FCRL1: variants seen among roughly 807,000 people sequenced by gnomAD.
FCRL1 encodes the protein Fc receptor-like protein 1.
Under a neutral mutation model 49.2 loss-of-function variants are expected in FCRL1, and 34 were observed. The observed-to-expected ratio is 0.69, with a 90% CI of 0.53 to 0.92. The LOEUF (loss-of-function observed/expected upper bound fraction) is 0.92. Among genes scored for constraint, FCRL1 ranks in the 40% least tolerant of loss-of-function variants. The pLI, the probability that FCRL1 is intolerant of heterozygous loss-of-function variation, is 0.00. For synonymous variants in FCRL1, 218 were observed against 201.6 expected (o/e 1.08, Z -0.69); for missense variants, 524 against 524.1 (o/e 1.00, Z 0.00).
At chr1:157,801,733 A>T in intron 5 of FCRL1, 156 bp from the exon 6 acceptor site, 1 of 855,462 alleles carries the variant, frequency 1.2e-6, no homozygotes, top group Non-Finnish European at 1.8e-6. Flanking sequence ...TTATGACAAG[A>T]GAAGAGCTGC....
intron 1 of FCRL1, among the ~76,000 whole-genome samples, chr1:157,819,297 T>A (rs61154240): frequency 6.6e-6 from 1 of 150,954 alleles, no homozygotes; most frequent in Non-Finnish European, 1.5e-5. Flanking sequence ...GTTGTGCATT[T>A]AAAAAAAAAT....
Position 157,796,055 on chromosome 1 carries a change from T to C in FCRL1, c.*44A>G, listed in dbSNP as rs185507674. ...CTGAAGAACATATCAGGCCTGAGGCTTGGGGTCATGGATGGTTTTCAAAGA... is the reference window on the plus strand; with the variant it reads ...CTGAAGAACATATCAGGCCTGAGGCCTGGGGTCATGGATGGTTTTCAAAGA... On this transcript the variant is annotated 3_prime_UTR_variant, in exon 11 of 11. Transcript: ENST00000368176. 2.1e-5 allele frequency: 32 copies of C among 1,533,916 alleles called. No homozygotes were observed. The African/African-American group carries it at 2.6e-4, about 12-fold the overall frequency.
intron 4 of FCRL1, 70 bp downstream of exon 4, chr1:157,802,305 CTT>C (rs1652652823): frequency 1.3e-6 from 2 of 1,582,826 alleles, no homozygotes; most frequent in Non-Finnish European, 1.7e-6. Context: ...CCCAGGGAAA[CTT>C]TGTGTGCCCC....
At chr1:157,805,012 A>C (rs373556880) in intron 2 of FCRL1, among the ~76,000 whole-genome samples, 1 of 152,106 alleles carries the variant, frequency 6.6e-6, no homozygotes, top group East Asian at 1.9e-4. Context: ...GGCACATGCC[A>C]CCAAGCCCAG....
chr1:157,818,033 G>A (rs764890731), intron 1 of FCRL1, among the ~76,000 whole-genome samples: 1 of 152,106 alleles, frequency 6.6e-6, no homozygotes, highest in Non-Finnish European at 1.5e-5. Flanking sequence ...GTCGAGAAAA[G>A]AGAATCCTCA....
At position 157,810,713 on chromosome 1, in the gene FCRL1, A is replaced by G. The variant is rs1349726233; in HGVS notation, c.32-3591T>C. Among the ~76,000 whole-genome samples, 3 of 152,330 alleles carry G rather than the reference A, an allele frequency of 2.0e-5. No individual in the cohort carries two copies. In the East Asian group the frequency reaches 5.8e-4, roughly 29 times the overall value. ...TTTCAAAAAAGTAAATCTTAATGTA[A>G]TGTAAATTAAAAATAAATATTAAAT... On this transcript the variant is annotated intron_variant, in intron 1 of 10. Coordinates refer to ENST00000368176, the MANE Select transcript of FCRL1 (RefSeq NM_052938.5).
Position 157,795,979 on chromosome 1 carries a change from G to A in FCRL1, c.*120C>T. On this transcript the variant is annotated 3_prime_UTR_variant, in exon 11 of 11. Transcript: ENST00000368176. The stretch of plus-strand genomic sequence containing the variant: ...ACAGTAGATGAAGGAATAGTGCCAT[G>A]GAGAATGGCATCCAGAAGAGGTATA... 1 of 840,122 alleles carries A rather than the reference G, an allele frequency of 1.2e-6. No individual in the cohort carries two copies. Among genetic ancestry groups the A allele is most frequent in the South Asian group, 1.5e-5 (1 of 67,154 alleles). The allele number at this position is 840,122 out of a possible 1,614,324, so 52.0% of individuals were successfully genotyped here.
intron 1 of FCRL1, among the ~76,000 whole-genome samples, chr1:157,817,469 T>A (rs1437910100): frequency 6.6e-6 from 1 of 152,026 alleles, no homozygotes; most frequent in Non-Finnish European, 1.5e-5. Context: ...AAACTGGATA[T>A]CCACTTATAG....
At chr1:157,801,664 G>T (rs1434083819) in intron 5 of FCRL1, 87 bp from the exon 6 acceptor site, 11 of 983,864 alleles carry the variant, frequency 1.1e-5, no homozygotes, top group African/African-American at 3.3e-5. Flanking sequence ...TTGTGCCCAA[G>T]GTCTGCTCTT....
chr1:157,819,883 A>C (rs1391578528), intron 1 of FCRL1, 124 bp downstream of exon 1: 1 of 1,094,266 alleles, frequency 9.1e-7, no homozygotes. Context: ...GTGGAAGTGG[A>C]GATCTGAGCA....
intron 1 of FCRL1, among the ~76,000 whole-genome samples, chr1:157,816,698 AC>A (rs2101908994): frequency 6.6e-6 from 1 of 151,740 alleles, no homozygotes; most frequent in Non-Finnish European, 1.5e-5. Context: ...AACTCTAAAG[AC>A]CCCACCAACA....
At chr1:157,813,209 C>T (rs184341957) in intron 1 of FCRL1, among the ~76,000 whole-genome samples, 3 of 152,222 alleles carry the variant, frequency 2.0e-5, no homozygotes, top group South Asian at 2.1e-4. Flanking sequence ...CATGAAAAAG[C>T]GAGAAAACAT....
At chr1:157,799,974 A>T (rs1238668568) in intron 7 of FCRL1, 84 bp downstream of exon 7, 5 of 1,296,684 alleles carry the variant, frequency 3.9e-6, no homozygotes, top group Admixed American at 2.3e-5. Context: ...CGGAAAAAAA[A>T]TGCTCAGGAG....
At chr1:157,797,052 C>T (rs1183701538) in intron 10 of FCRL1, 49 bp downstream of exon 10, 1 of 1,590,774 alleles carries the variant, frequency 6.3e-7, no homozygotes. Context: ...GAGAACCAGT[C>T]CCCAGAGGAA....
chr1:157,801,041 A>G (rs1652365800), intron 6 of FCRL1, among the ~76,000 whole-genome samples: 1 of 152,030 alleles, frequency 6.6e-6, no homozygotes, highest in Non-Finnish European at 1.5e-5. Flanking sequence ...ACAGGCATGC[A>G]TCACCACGCC....
chr1:157,809,756 G>A lies in FCRL1; in HGVS notation c.32-2634C>T, dbSNP rs144658713. Reference sequence around the variant, plus strand: ...ATTACAGACATGAGCCACCATACCTGGTCAAAAAATTGTTTTAATTAGCTG... The same window carrying A: ...ATTACAGACATGAGCCACCATACCTAGTCAAAAAATTGTTTTAATTAGCTG... On this transcript the variant is annotated intron_variant, in intron 1 of 10. Transcript: ENST00000368176. Among the ~76,000 whole-genome samples the A allele has an allele frequency of 5.8e-3, 878 of 152,056 alleles. 11 individuals carry two copies. Among genetic ancestry groups the A allele is most frequent in the African/African-American group, 0.02 (833 of 41,470 alleles).
chr1:157,798,884 A>C (rs1010240380), intron 7 of FCRL1, among the ~76,000 whole-genome samples: 1 of 152,200 alleles, frequency 6.6e-6, no homozygotes, highest in Admixed American at 6.5e-5. Flanking sequence ...TAAAACTCTC[A>C]AGAGTTTTTT....
At chr1:157,819,453 T>G (rs1655491854) in intron 1 of FCRL1, among the ~76,000 whole-genome samples, 1 of 151,986 alleles carries the variant, frequency 6.6e-6, no homozygotes, top group Non-Finnish European at 1.5e-5. Flanking sequence ...CCATGAGAAG[T>G]GAGCACATGA....
intron 3 of FCRL1, 125 bp from the exon 4 acceptor site, chr1:157,802,789 G>C (rs565753139): frequency 1.0e-6 from 1 of 975,944 alleles, no homozygotes; most frequent in Admixed American, 2.8e-5. Context: ...AGCTTAATTT[G>C]GGTGAGGTGG....
Sources: gnomAD v4.1 joint callset for allele counts (sites outside exome capture counted in the v4.1 genomes callset) on GRCh38, gnomAD v4.1.1 for gene constraint, MANE v1.5 for transcripts, NCBI Gene and HGNC (gene_info 2026-07-23, HGNC 2026-07-21) for gene names.